The following CDH20 variants were observed in gnomAD, a reference collection of about 807,000 sequenced individuals.
CDH20 encodes cadherin-20.
A neutral mutation model predicts 74.2 loss-of-function variants in CDH20; 29 were observed. The ratio of observed to expected loss-of-function variants is 0.39; its 90% CI spans 0.29 to 0.53. CDH20 has a LOEUF of 0.53. Among genes scored for constraint, CDH20 ranks in the 20% least tolerant of loss-of-function variants. The pLI, the probability that CDH20 is intolerant of heterozygous loss-of-function variation, is 0.69. For missense variants in CDH20, 988 were observed against 1,048.3 expected (o/e 0.94, Z 0.79); for synonymous variants, 469 against 405.4 (o/e 1.16, Z -1.88).
intron 1 of CDH20, among the ~76,000 whole-genome samples, chr18:61,389,578 C>T (rs541729801): frequency 7.2e-5 from 11 of 152,290 alleles, no homozygotes; most frequent in African/African-American, 2.4e-4. Context: ...GCACTGCTTT[C>T]AGCCCCATAA....
chr18:61,497,281 C>T (rs1418254329), intron 2 of CDH20, among the ~76,000 whole-genome samples: 1 of 152,152 alleles, frequency 6.6e-6, no homozygotes, highest in Non-Finnish European at 1.5e-5. Flanking sequence ...GGCAGCAAAA[C>T]CATTGCCTGC....
chr18:61,336,826 GT>G (rs1909778780), intron 1 of CDH20, among the ~76,000 whole-genome samples: 1 of 149,304 alleles, frequency 6.7e-6, no homozygotes, highest in Non-Finnish European at 1.5e-5. Flanking sequence ...ATGGGGGGGG[GT>G]GATGAGAATA....
Position 61,433,849 on chromosome 18 carries a change from A to G in CDH20, c.-152-56553A>G, listed in dbSNP as rs74547854. ...GCATTGGCTTTCCTAATTGAGAAAT[A>G]CGAACCCAAGAAACAGTATAGAAAA... On this transcript the variant is annotated intron_variant, in intron 1 of 11. Transcript: ENST00000262717. Among the ~76,000 whole-genome samples, 1,196 of 152,284 alleles carry G rather than the reference A, an allele frequency of 7.9e-3. 17 individuals are homozygous for G. Among genetic ancestry groups the G allele is most frequent in the African/African-American group, 0.027 (1,131 of 41,560 alleles).
chr18:61,547,199 G>A (rs1049730060), intron 10 of CDH20, among the ~76,000 whole-genome samples: 1 of 151,966 alleles, frequency 6.6e-6, no homozygotes, highest in Non-Finnish European at 1.5e-5. Context: ...ATGGTGGCAT[G>A]CACCTGTAGT....
chr18:61,339,701 T>TTTTTTTTTTTTTTC (rs58434671), intron 1 of CDH20, among the ~76,000 whole-genome samples: 2 of 122,942 alleles, frequency 1.6e-5, no homozygotes, highest in Non-Finnish European at 3.2e-5. Flanking sequence ...TTTTTTTTTT[T>TTTTTTTTTTTTTTC]TTTTGAGATG....
chr18:61,404,146 T>C (rs73447303), intron 1 of CDH20, among the ~76,000 whole-genome samples: 4,396 of 152,226 alleles, frequency 0.029, 219 homozygotes, highest in African/African-American at 0.1. Context: ...GATGGATTGA[T>C]AGCAAACCAC....
At chr18:61,445,134 A>T (rs1453617824) in intron 1 of CDH20, among the ~76,000 whole-genome samples, 2 of 151,958 alleles carry the variant, frequency 1.3e-5, no homozygotes, top group African/African-American at 4.8e-5. Flanking sequence ...AGTCTGCCCT[A>T]CTCCTGCCAG....
intron 1 of CDH20, among the ~76,000 whole-genome samples, chr18:61,407,647 G>A (rs1421708608): frequency 6.6e-6 from 1 of 152,152 alleles, no homozygotes; most frequent in East Asian, 1.9e-4. Context: ...CCGATAGAAT[G>A]TACTGAGAAG....
intron 1 of CDH20, among the ~76,000 whole-genome samples, chr18:61,480,683 A>C (rs1234919208): frequency 6.6e-6 from 1 of 152,336 alleles, no homozygotes; most frequent in East Asian, 1.9e-4. Flanking sequence ...TTTAACTTAG[A>C]GATCTTGGAT....
At chr18:61,534,317 A>AAATGTTTT (rs1912750351) in intron 7 of CDH20, among the ~76,000 whole-genome samples, 1 of 152,240 alleles carries the variant, frequency 6.6e-6, no homozygotes, top group Non-Finnish European at 1.5e-5. Context: ...AGAAAACAGT[A>AAATGTTTT]TGGAGGTTCC....
In CDH20 at chr18:61,417,578, T is replaced by TAAAAAAAAAAAAAAAAAAAAAAAAA. The variant is rs545256689; in HGVS notation, c.-152-72821_-152-72797dup. On this transcript the variant is annotated intron_variant, in intron 1 of 11. Coordinates refer to ENST00000262717, the MANE Select transcript of CDH20 (RefSeq NM_031891.4). ...TATGTTCTTACTCAGATGTGGGAGC[T>TAAAAAAAAAAAAAAAAAAAAAAAAA]AAAAAAAAAAAAAAAAAAAAAAAAA... 1.4e-4 allele frequency among the ~76,000 whole-genome samples: 9 copies of TAAAAAAAAAAAAAAAAAAAAAAAAA among 62,344 alleles called. 2 individuals are homozygous for TAAAAAAAAAAAAAAAAAAAAAAAAA. The highest frequency in any genetic ancestry group is 5.6e-4 in the African/African-American group (7 of 12,556). The allele number at this position is 62,344 out of a possible 152,430, so 40.9% of individuals were successfully genotyped here.
At chr18:61,423,040 T>C (rs1912939773) in intron 1 of CDH20, among the ~76,000 whole-genome samples, 1 of 152,228 alleles carries the variant, frequency 6.6e-6, no homozygotes, top group Non-Finnish European at 1.5e-5. Flanking sequence ...AATACAACTT[T>C]ATCATTGTCA....
chr18:61,418,085 A>C (rs1045104798), intron 1 of CDH20, among the ~76,000 whole-genome samples: 1 of 152,256 alleles, frequency 6.6e-6, no homozygotes, highest in African/African-American at 2.4e-5. Context: ...AAGCAACAAC[A>C]AAAAGTATCA....
intron 5 of CDH20, among the ~76,000 whole-genome samples, chr18:61,504,575 G>A (rs569916028): frequency 1.1e-4 from 16 of 152,226 alleles, no homozygotes; most frequent in African/African-American, 2.6e-4. Flanking sequence ...AGCTATGAAC[G>A]TGGAACAGAG....
intron 1 of CDH20, among the ~76,000 whole-genome samples, chr18:61,352,593 A>G (rs1439388809): frequency 6.6e-6 from 1 of 152,216 alleles, no homozygotes; most frequent in Admixed American, 6.5e-5. Flanking sequence ...AGGGCCTGCC[A>G]TGATACTGTT....
At chr18:61,544,121 G>A (rs1009108067) in intron 9 of CDH20, among the ~76,000 whole-genome samples, 10 of 152,242 alleles carry the variant, frequency 6.6e-5, no homozygotes, top group African/African-American at 2.4e-4. Flanking sequence ...ATGGCATGGA[G>A]ACTGTGCAGG....
chr18:61,393,878 C>T (rs1911875773), intron 1 of CDH20, among the ~76,000 whole-genome samples: 1 of 152,160 alleles, frequency 6.6e-6, no homozygotes, highest in Admixed American at 6.6e-5. Flanking sequence ...TTCCAGTTGG[C>T]AGACCTGCAG....
chr18:61,432,515 A>G (rs1913292072), intron 1 of CDH20, among the ~76,000 whole-genome samples: 2 of 152,192 alleles, frequency 1.3e-5, no homozygotes, highest in South Asian at 2.1e-4. Context: ...GACCTTCTAT[A>G]TAAATTACTA....
At chr18:61,441,256 T>A (rs1329882320) in intron 1 of CDH20, among the ~76,000 whole-genome samples, 13 of 152,196 alleles carry the variant, frequency 8.5e-5, no homozygotes, top group Admixed American at 8.5e-4. Context: ...TGATTTTGTA[T>A]ACAGTTGTGT....
Sources: gnomAD v4.1 joint callset for allele counts (sites outside exome capture counted in the v4.1 genomes callset) on GRCh38, gnomAD v4.1.1 for gene constraint, MANE v1.5 for transcripts, NCBI Gene and HGNC (gene_info 2026-07-23, HGNC 2026-07-21) for gene names.